Variants in SLC7A11 observed in about 807,000 individuals in gnomAD.
SLC7A11 encodes solute carrier family 7 member 11, also known as cystine/glutamate transporter.
Under a neutral mutation model 54.5 loss-of-function variants are expected in SLC7A11, and 35 were observed. That is an observed-to-expected ratio of 0.64 (90% CI 0.49 to 0.85). SLC7A11 has a LOEUF of 0.85. SLC7A11 is among the 40% of genes least tolerant of loss of function. The pLI is 0.00. For synonymous variants in SLC7A11, 230 were observed against 225.2 expected, an observed-to-expected ratio of 1.02 and a Z score of -0.19; for missense variants, 583 against 618.1, an observed-to-expected ratio of 0.94 and a Z score of 0.60.
intron 6 of SLC7A11, among the ~76,000 whole-genome samples, chr4:138,186,077 A>G (rs1031619956): frequency 6.6e-6 from 1 of 152,024 alleles, no homozygotes; most frequent in African/African-American, 2.4e-5. Flanking sequence ...CAAATGCAAT[A>G]TTATGTCTTC....
At chr4:138,176,271 T>TA (rs1736568670) in intron 11 of SLC7A11, 1 of 152,146 alleles carries the variant, frequency 6.6e-6, no homozygotes, top group African/African-American at 2.4e-5. Context: ...GCTATAAAGA[T>TA]AAAGAGTTAC....
At chr4:138,199,006 G>C (rs1319206787) in intron 6 of SLC7A11, among the ~76,000 whole-genome samples, 1 of 152,076 alleles carries the variant, frequency 6.6e-6, no homozygotes, top group Non-Finnish European at 1.5e-5. Flanking sequence ...TAAATGGCAG[G>C]GCACACTTGG....
intron 4 of SLC7A11, among the ~76,000 whole-genome samples, chr4:138,220,464 T>TC (rs397728145): frequency 1.2e-3 from 178 of 152,198 alleles, no homozygotes; most frequent in Middle Eastern, 3.4e-3. Context: ...ATGTTTTTTT[T>TC]CCTAGAAATA....
intron 2 of SLC7A11, among the ~76,000 whole-genome samples, chr4:138,233,039 T>G (rs1393045315): frequency 6.6e-6 from 1 of 152,076 alleles, no homozygotes; most frequent in Non-Finnish European, 1.5e-5. Context: ...TAAATTCAGG[T>G]ATATAGAAAT....
chr4:138,214,778 C>T lies in SLC7A11; in HGVS notation c.747-149G>A, dbSNP rs112541399. On this transcript the variant is annotated intron_variant, in intron 5 of 11. Transcript: ENST00000280612. ...GAAAATATCTAACAACTAAATACTC[C>T]CATAAGTCATTTTTCTATTAAGCCA... is the stretch of plus-strand genomic sequence containing the variant. 978 of 345,712 alleles carry T rather than the reference C, an allele frequency of 2.8e-3. 10 individuals carry two copies. The highest frequency in any genetic ancestry group is 0.02 in the African/African-American group (911 of 45,702). The allele number at this position is 345,712 out of a possible 1,614,324, so 21.4% of individuals were successfully genotyped here.
At chr4:138,192,086 A>G (rs1049738410) in intron 6 of SLC7A11, among the ~76,000 whole-genome samples, 3 of 152,184 alleles carry the variant, frequency 2.0e-5, no homozygotes, top group African/African-American at 7.2e-5. Flanking sequence ...ATAATGCAAC[A>G]TTTCGGTAAA....
chr4:138,183,171 T>C (rs750054013), intron 8 of SLC7A11, 31 bp downstream of exon 8: 2 of 1,447,250 alleles, frequency 1.4e-6, no homozygotes, highest in East Asian at 2.3e-5. Context: ...AAAACAGAAA[T>C]GTGTTTCTGG....
intron 6 of SLC7A11, among the ~76,000 whole-genome samples, chr4:138,211,517 G>A (rs1162235364): frequency 6.6e-6 from 1 of 151,816 alleles, no homozygotes; most frequent in Non-Finnish European, 1.5e-5. Flanking sequence ...ATATGATCCA[G>A]CAATCCTACT....
chr4:138,219,300 C>A lies in SLC7A11; in HGVS notation c.712G>T (p.Ala238Ser), dbSNP rs1737750610. The A allele has an allele frequency of 6.2e-7, 1 of 1,609,792 alleles. No homozygotes were observed. Among genetic ancestry groups the A allele is most frequent in the Non-Finnish European group, 8.5e-7 (1 of 1,176,486 alleles). The part of the protein sequence containing the change: ...RDSSITRLPL[A>S]FYYGMYAYAG... ...TATGCATACATTCCATAATAAAAAGCCAGTGGCAACCGCGTAATACTTGAA... is the reference window on the plus strand; with the variant it reads ...TATGCATACATTCCATAATAAAAAGACAGTGGCAACCGCGTAATACTTGAA... Residue 238 changes from alanine to serine, a missense_variant, in exon 5 of 12, where the codon GCT (alanine) becomes TCT (serine). By Grantham distance (99) the Ala-to-Ser change is moderately conservative. Transcript: ENST00000280612.
chr4:138,182,429 T>C (rs1239510207), intron 8 of SLC7A11, 36 bp from the exon 9 acceptor site: 2 of 1,273,094 alleles, frequency 1.6e-6, no homozygotes, highest in Admixed American at 1.7e-5. Context: ...GTTGACTGTA[T>C]GATTGATCAT....
In SLC7A11 at chr4:138,183,293, G is replaced by T. The variant is rs762441011; in HGVS notation, c.928C>A (p.Arg310=). The T allele has an allele frequency of 1.2e-6, 2 of 1,608,736 alleles. No individual in the cohort carries two copies. Among genetic ancestry groups the T allele is most frequent in the African/African-American group, 1.3e-5 (1 of 74,836 alleles). ...SNAVAVTFSE[R]LLGNFSLAVP... ...GCTAATGAGAAATTTCCCAGTAGCC[G>T]CTCAGAAAAGGTCTAGTGAAAGAAA... Residue 310 remains arginine, a synonymous_variant, in exon 8 of 12, where the codon CGG becomes AGG. Coordinates refer to ENST00000280612, the MANE Select transcript of SLC7A11 (RefSeq NM_014331.4).
At position 138,214,590 on chromosome 4, in the gene SLC7A11, A is replaced by C. The variant is rs376804683; in HGVS notation, c.786T>G (p.Pro262=). The C allele has an allele frequency of 2.1e-6, 3 of 1,453,234 alleles. No homozygotes were observed. Among genetic ancestry groups the C allele is most frequent in the Non-Finnish European group, 2.8e-6 (3 of 1,068,652 alleles). The allele number at this position is 1,453,234 out of a possible 1,614,324, so 90.0% of individuals were successfully genotyped here. ...LNFVTEEVEN[P]EKTIPLAICI... Reference sequence around the variant, plus strand: ...GGGTACATCTGGCTACTTACTTTTCAGGGTTTTCTACTTCTTCAGTAACAA... The same window carrying C: ...GGGTACATCTGGCTACTTACTTTTCCGGGTTTTCTACTTCTTCAGTAACAA... Residue 262 remains proline (P), a synonymous_variant, in exon 6 of 12, where the codon CCT becomes CCG. Coordinates refer to ENST00000280612, the MANE Select transcript of SLC7A11 (RefSeq NM_014331.4).
chr4:138,171,005 T>C lies in SLC7A11; in HGVS notation c.*951A>G, dbSNP rs1736412302. 2 of 152,176 alleles carry C rather than the reference T, an allele frequency of 1.3e-5. No homozygotes were observed. Among genetic ancestry groups the C allele is most frequent in the Non-Finnish European group, 2.9e-5 (2 of 68,024 alleles). 9.4% of individuals were successfully genotyped at this position (152,176 alleles called of 1,614,324 possible). ...GAATTACTAACATTGCATGTAGATA[T>C]GATTACAGATATGGGACTATTATTT... On this transcript the variant is annotated 3_prime_UTR_variant, in exon 12 of 12. Transcript: ENST00000280612.
chr4:138,188,484 C>A (rs1345876431), intron 6 of SLC7A11, among the ~76,000 whole-genome samples: 4 of 152,120 alleles, frequency 2.6e-5, no homozygotes, highest in African/African-American at 7.2e-5. Flanking sequence ...GTTCTCTTGG[C>A]TGTTTTGGCA....
chr4:138,223,279 C>A lies in SLC7A11; in HGVS notation c.566G>T (p.Arg189Leu), dbSNP rs760723682. Residue 189 changes from arginine (R) to leucine (L), a missense_variant, in exon 4 of 12, where the codon CGG becomes CTG. By Grantham distance (102) the Arg-to-Leu change is moderately radical. Coordinates refer to ENST00000280612, the MANE Select transcript of SLC7A11 (RefSeq NM_014331.4). ...LNSMSVSWSA[R>L]IQIFLTFCKL... Reference sequence around the variant, plus strand: ...GCAAAAGGTTAAGAAAATCTGGATCCGGGCGCTCCAGCTGACACTCATGCT... The same window carrying A: ...GCAAAAGGTTAAGAAAATCTGGATCAGGGCGCTCCAGCTGACACTCATGCT... The A allele has an allele frequency of 6.2e-6, 10 of 1,613,438 alleles. No homozygotes were observed. The highest frequency in any genetic ancestry group is 7.6e-6 in the Non-Finnish European group (9 of 1,179,448).
At chr4:138,182,263 G>T in intron 9 of SLC7A11, 34 bp downstream of exon 9, 1 of 1,318,082 alleles carries the variant, frequency 7.6e-7, no homozygotes, top group Non-Finnish European at 1.1e-6. Flanking sequence ...ATTATTCAAG[G>T]TTATATCTAG....
intron 6 of SLC7A11, among the ~76,000 whole-genome samples, chr4:138,206,836 C>A (rs972932890): frequency 2.0e-5 from 3 of 151,868 alleles, no homozygotes; most frequent in Admixed American, 6.6e-5. Context: ...AATTTGGTGA[C>A]CTTGTTCTTT....
At chr4:138,209,769 T>C (rs1247669801) in intron 6 of SLC7A11, among the ~76,000 whole-genome samples, 2 of 151,958 alleles carry the variant, frequency 1.3e-5, no homozygotes, top group East Asian at 3.9e-4. Flanking sequence ...AAAAAATATT[T>C]CATGCTTATG....
At chr4:138,199,578 G>A (rs1454291686) in intron 6 of SLC7A11, among the ~76,000 whole-genome samples, 1 of 152,096 alleles carries the variant, frequency 6.6e-6, no homozygotes, top group African/African-American at 2.4e-5. Flanking sequence ...TTCTAAGTGC[G>A]CATAGATCAG....
Sources: gnomAD v4.1 joint callset for allele counts (sites outside exome capture counted in the v4.1 genomes callset) on GRCh38, gnomAD v4.1.1 for gene constraint, MANE v1.5 for transcripts, NCBI Gene and HGNC (gene_info 2026-07-23, HGNC 2026-07-21) for gene names.